CEP85L: variants seen among roughly 807,000 people sequenced by gnomAD.
The protein encoded by CEP85L is centrosomal protein of 85 kDa-like.
Under a neutral mutation model 100.3 loss-of-function variants are expected in CEP85L, and 60 were observed. The ratio of observed to expected loss-of-function variants is 0.60; its 90% CI spans 0.49 to 0.74. The LOEUF (loss-of-function observed/expected upper bound fraction) is 0.74, where lower values mean the gene tolerates loss of function less well. CEP85L is among the 30% of genes least tolerant of loss of function. CEP85L has a pLI of 0.00. For synonymous variants in CEP85L, 319 were observed against 322.7 expected (o/e 0.99, Z 0.12); for missense variants, 973 against 936.2 (o/e 1.04, Z -0.51).
intron 1 of CEP85L, among the ~76,000 whole-genome samples, chr6:118,704,309 A>G (rs998626539): frequency 1.1e-4 from 16 of 152,186 alleles, no homozygotes; most frequent in African/African-American, 3.9e-4. Context: ...CATGCCTATA[A>G]TAAAATGTTA....
intron 2 of CEP85L, among the ~76,000 whole-genome samples, chr6:118,607,337 G>A (rs1772297009): frequency 1.3e-5 from 2 of 152,150 alleles, no homozygotes; most frequent in African/African-American, 4.8e-5. Context: ...AACAGCTTAG[G>A]GAGGCCAGAG....
At chr6:118,626,975 G>A (rs1417415623) in intron 2 of CEP85L, among the ~76,000 whole-genome samples, 1 of 152,108 alleles carries the variant, frequency 6.6e-6, no homozygotes, top group Non-Finnish European at 1.5e-5. Flanking sequence ...CAAGGTGGGT[G>A]GATCACTTGA....
chr6:118,567,654 G>GT (rs1233257847), intron 2 of CEP85L, among the ~76,000 whole-genome samples: 1 of 152,020 alleles, frequency 6.6e-6, no homozygotes, highest in Non-Finnish European at 1.5e-5. Context: ...AATTTATTCT[G>GT]TATCTCCCCA....
At chr6:118,511,257 C>T in intron 5 of CEP85L, 41 bp downstream of exon 5, 1 of 1,227,152 alleles carries the variant, frequency 8.1e-7, no homozygotes, top group African/African-American at 1.5e-5. Context: ...TTAACACAAG[C>T]TTTACTACTA....
At chr6:118,580,925 C>G (rs761157341) in intron 2 of CEP85L, among the ~76,000 whole-genome samples, 16 of 152,208 alleles carry the variant, frequency 1.1e-4, no homozygotes, top group Non-Finnish European at 2.2e-4. Flanking sequence ...CTCTCTCTCT[C>G]AGCCCCTTGG....
chr6:118,535,579 T>C (rs1777543591), intron 3 of CEP85L, among the ~76,000 whole-genome samples: 1 of 152,228 alleles, frequency 6.6e-6, no homozygotes, highest in African/African-American at 2.4e-5. Flanking sequence ...TACTCCATTC[T>C]AAGTAGTGTG....
chr6:118,483,789 CTTTGT>C lies in CEP85L; in HGVS notation c.1502_1506del (p.Asn501ArgfsTer7), dbSNP rs1562185873. 1 of 1,613,812 alleles carries C rather than the reference CTTTGT, an allele frequency of 6.2e-7. No homozygotes were observed. The highest frequency in any genetic ancestry group is 8.5e-7 in the Non-Finnish European group (1 of 1,179,816). On this transcript the variant is annotated frameshift_variant, in exon 7 of 13. Coordinates refer to ENST00000368491, the MANE Select transcript of CEP85L (RefSeq NM_001042475.3). LOFTEE classifies it high-confidence loss of function. ...AAGGTCTCAATTCTTCTCTGCTTTT[CTTTGT>C]TTTGTTCAGATTCCTTCTGGCATTT...
intron 4 of CEP85L, among the ~76,000 whole-genome samples, chr6:118,513,140 C>G (rs1298040972): frequency 1.3e-5 from 2 of 151,704 alleles, no homozygotes; most frequent in African/African-American, 4.8e-5. Context: ...AAAAGAAACA[C>G]TAGAGAAAAA....
At chr6:118,603,346 A>G (rs2115185125) in intron 2 of CEP85L, among the ~76,000 whole-genome samples, 1 of 152,348 alleles carries the variant, frequency 6.6e-6, no homozygotes, top group East Asian at 1.9e-4. Flanking sequence ...TGGCTCTGTA[A>G]GTCAAGTTTA....
intron 4 of CEP85L, among the ~76,000 whole-genome samples, chr6:118,517,647 C>T (rs761984804): frequency 3.9e-5 from 6 of 152,248 alleles, no homozygotes; most frequent in East Asian, 1.9e-4. Flanking sequence ...GCTGAGACGA[C>T]GCAGGTTTCT....
chr6:118,563,875 G>A (rs1258926932), intron 3 of CEP85L, among the ~76,000 whole-genome samples: 1 of 152,146 alleles, frequency 6.6e-6, no homozygotes, highest in Non-Finnish European at 1.5e-5. Flanking sequence ...TTTCTAAGGA[G>A]GAAATTAGAA....
chr6:118,679,009 G>T (rs901312753), intron 1 of CEP85L, among the ~76,000 whole-genome samples: 53 of 152,172 alleles, frequency 3.5e-4, no homozygotes, highest in Non-Finnish European at 2.5e-4. Context: ...ACTACTTGAG[G>T]TTTCCTGAAT....
At chr6:118,522,841 T>A (rs1263937951) in intron 4 of CEP85L, among the ~76,000 whole-genome samples, 2 of 150,270 alleles carry the variant, frequency 1.3e-5, no homozygotes, top group Non-Finnish European at 2.9e-5. Flanking sequence ...ATGGCACCAC[T>A]GCACTCCAGC....
At chr6:118,646,264 T>C (rs1253427905) in intron 1 of CEP85L, among the ~76,000 whole-genome samples, 1 of 75,944 alleles carries the variant, frequency 1.3e-5, no homozygotes, top group Non-Finnish European at 2.6e-5. Context: ...ATGTTGATCA[T>C]GCCCATCCTT....
chr6:118,677,800 A>G (rs959054626), intron 1 of CEP85L, among the ~76,000 whole-genome samples: 1 of 152,170 alleles, frequency 6.6e-6, no homozygotes, highest in Admixed American at 6.5e-5. Flanking sequence ...CCTATAGTCA[A>G]TCACCAAGTG....
chr6:118,523,007 T>C (rs1216603142), intron 4 of CEP85L, among the ~76,000 whole-genome samples: 2 of 152,300 alleles, frequency 1.3e-5, no homozygotes, highest in South Asian at 2.1e-4. Context: ...ATTTCAACTA[T>C]TAAATGCGTT....
At chr6:118,574,953 T>C (rs1483417755) in intron 2 of CEP85L, among the ~76,000 whole-genome samples, 2 of 151,108 alleles carry the variant, frequency 1.3e-5, no homozygotes, top group Non-Finnish European at 2.9e-5. Context: ...AGCAAAGGAG[T>C]GCAAGAAACC....
chr6:118,612,217 C>G (rs925640011), intron 2 of CEP85L, among the ~76,000 whole-genome samples: 1 of 151,640 alleles, frequency 6.6e-6, no homozygotes, highest in African/African-American at 2.4e-5. Context: ...CTAAACAACA[C>G]ACTTACAGTC....
intron 1 of CEP85L, among the ~76,000 whole-genome samples, chr6:118,670,063 C>G (rs965796957): frequency 6.6e-6 from 1 of 151,718 alleles, no homozygotes; most frequent in Non-Finnish European, 1.5e-5. Context: ...TTCCCTCTCT[C>G]CCTGCGATAG....
Sources: allele counts gnomAD v4.1 joint callset (sites outside exome capture counted in the v4.1 genomes callset), GRCh38; gene constraint gnomAD v4.1.1; transcripts MANE v1.5; gene names NCBI Gene and HGNC (gene_info 2026-07-23, HGNC 2026-07-21).